Variants in STRAP observed in about 807,000 individuals in gnomAD.
STRAP encodes serine/threonine kinase receptor associated protein, also known as serine-threonine kinase receptor-associated protein.
Under a neutral mutation model 47.0 loss-of-function variants are expected in STRAP, and 16 were observed. The ratio of observed to expected loss-of-function variants is 0.34; its 90% confidence interval spans 0.23 to 0.52. STRAP has a LOEUF of 0.52. Among genes scored for constraint, STRAP ranks in the 20% least tolerant of loss-of-function variants. The probability of loss-of-function intolerance (pLI) is 0.96; values close to 1 mark genes in which losing one functional copy is unlikely to be tolerated. For synonymous variants in STRAP, 130 were observed against 142.7 expected (o/e 0.91, Z 0.63); for missense variants, 293 against 420.0 (o/e 0.70, Z 2.64).
At chr12:15,889,122 T>TC (rs532850350) in intron 2 of STRAP, among the ~76,000 whole-genome samples, 9 of 151,380 alleles carry the variant, frequency 5.9e-5, no homozygotes, top group African/African-American at 2.2e-4. Context: ...AACTTTTTTT[T>TC]CCCCCTTCCT....
intron 2 of STRAP, among the ~76,000 whole-genome samples, chr12:15,889,346 A>G (rs894110267): frequency 6.6e-6 from 1 of 152,150 alleles, no homozygotes; most frequent in Non-Finnish European, 1.5e-5. Context: ...GGGGAAGTTA[A>G]CTGTACTAGA....
At chr12:15,895,228 G>C (rs1410604261) in intron 5 of STRAP, 131 bp from the exon 6 acceptor site, 1 of 721,614 alleles carries the variant, frequency 1.4e-6, no homozygotes, top group African/African-American at 1.9e-5. Flanking sequence ...TCTGTAATTT[G>C]TGACTTGGAA....
rs1333730952 is a variant in STRAP, at chr12:15,903,222, G to GA, written c.*246dup. On this transcript the variant is annotated 3_prime_UTR_variant, in exon 10 of 10. Coordinates refer to ENST00000419869, the MANE Select transcript of STRAP (RefSeq NM_007178.4). ...TACAGTGGCCTGTTATCTTTTTAAT[G>GA]AATATATACAAGCCAACATCCAATT... The GA allele has an allele frequency of 8.9e-6, 3 of 336,614 alleles. No individual in the cohort carries two copies. In the Admixed American group the frequency reaches 1.4e-4, roughly 16 times the overall value. The allele number at this position is 336,614 out of a possible 1,614,324, so 20.9% of individuals were successfully genotyped here. A position where few individuals can be genotyped will look rare whatever the true frequency, so the allele number is the denominator to read the frequency against.
intron 2 of STRAP, among the ~76,000 whole-genome samples, chr12:15,888,366 G>A (rs973693705): frequency 2.8e-4 from 43 of 152,142 alleles, no homozygotes; most frequent in Non-Finnish European, 8.8e-5. Flanking sequence ...AGTAGATTGG[G>A]GCCAGAGAGT....
Position 15,882,965 on chromosome 12 carries a change from G to C in STRAP, c.112+146G>C, listed in dbSNP as rs1031909427. On this transcript the variant is annotated intron_variant, in intron 1 of 9. Coordinates refer to ENST00000419869, the MANE Select transcript of STRAP (RefSeq NM_007178.4). ...TGAGATGAGAGCCAACACTGGTCCG[G>C]TGGAGAAAGGAGTGTGTTAGGGAAT... 14 of 1,362,030 alleles carry C rather than the reference G, an allele frequency of 1.0e-5. No homozygotes were observed. The Admixed American group carries it at 2.8e-4, about 27-fold the overall frequency. The allele number at this position is 1,362,030 out of a possible 1,614,324, so 84.4% of individuals were successfully genotyped here.
chr12:15,903,157 C>G lies in STRAP; in HGVS notation c.*179C>G, dbSNP rs1250129477. ...TTGGTGTTACCTGTAAGTGAAAACT[C>G]AAGTGTCAGATGAAGGGAGGTGGAG... On this transcript the variant is annotated 3_prime_UTR_variant, in exon 10 of 10. Transcript: ENST00000419869. The G allele has an allele frequency of 3.6e-6, 2 of 552,256 alleles. No individual in the cohort carries two copies. The highest frequency in any genetic ancestry group is 5.7e-6 in the Non-Finnish European group (2 of 348,572). 34.2% of individuals were successfully genotyped at this position (552,256 alleles called of 1,614,324 possible).
intron 4 of STRAP, among the ~76,000 whole-genome samples, chr12:15,892,989 G>A (rs916630408): frequency 2.4e-4 from 37 of 152,112 alleles, no homozygotes; most frequent in African/African-American, 2.2e-4. Flanking sequence ...AGCCCTATTC[G>A]CATTTGTAAC....
intron 7 of STRAP, among the ~76,000 whole-genome samples, chr12:15,898,523 G>T (rs2136113091): frequency 6.6e-6 from 1 of 152,238 alleles, no homozygotes; most frequent in South Asian, 2.1e-4. Context: ...ATCTGAATTG[G>T]ATAGTTATTT....
At chr12:15,893,644 A>G (rs1054493176) in intron 4 of STRAP, among the ~76,000 whole-genome samples, 3 of 147,932 alleles carry the variant, frequency 2.0e-5, no homozygotes, top group African/African-American at 7.4e-5. Context: ...ATTATACAAT[A>G]ATGCTTTTAT....
rs749702060 is a variant in STRAP, at chr12:15,885,180, GTTTTT to G, written c.248+1525_248+1529del. The stretch of plus-strand genomic sequence containing the variant: ...TAAGAGGCTAGAGAGTACAAGTGGT[GTTTTT>G]TTTTTTTTTTTTTTTTTTTTAAAGA... On this transcript the variant is annotated intron_variant, in intron 2 of 9. Coordinates refer to ENST00000419869, the MANE Select transcript of STRAP (RefSeq NM_007178.4). Among the ~76,000 whole-genome samples, 730 of 99,578 alleles carry G rather than the reference GTTTTT, an allele frequency of 7.3e-3. 10 individuals carry two copies. Among genetic ancestry groups the G allele is most frequent in the African/African-American group, 0.03 (690 of 23,358 alleles). 65.3% of individuals were successfully genotyped at this position (99,578 alleles called of 152,430 possible).
intron 6 of STRAP, 57 bp from the exon 7 acceptor site, chr12:15,897,825 A>C: frequency 7.9e-7 from 1 of 1,266,526 alleles, no homozygotes; most frequent in Non-Finnish European, 1.1e-6. Context: ...GTTCAAATGT[A>C]ACTCGTTATT....
Position 15,889,399 on chromosome 12 carries a change from C to G in STRAP, c.249-529C>G, listed in dbSNP as rs923773097. Among the ~76,000 whole-genome samples, 683 of 152,240 alleles carry G rather than the reference C, an allele frequency of 4.5e-3. 12 individuals are homozygous for G. The highest frequency in any genetic ancestry group is 0.036 in the East Asian group (185 of 5,176). ...AGCTTTGAAGAAGAGATGAAGTGGA[C>G]ATTGTCTCTCCACTATCTTAATTTA... On this transcript the variant is annotated intron_variant, in intron 2 of 9. Coordinates refer to ENST00000419869, the MANE Select transcript of STRAP (RefSeq NM_007178.4).
Position 15,883,596 on chromosome 12 carries a change from G to A in STRAP, c.168G>A (p.Leu56=). The change falls in exon 2 of 10, where the codon TTG becomes TTA. Residue 56 remains leucine (L), a synonymous_variant. Coordinates refer to ENST00000419869, the MANE Select transcript of STRAP (RefSeq NM_007178.4). ...CAGGAGACTGGATTGGAACATTTTTGGGTCATAAAGGTGCTGTTTGGGGTG... is the reference window on the plus strand; with the variant it reads ...CAGGAGACTGGATTGGAACATTTTTAGGTCATAAAGGTGCTGTTTGGGGTG... The part of the protein sequence containing the change: ...GDTGDWIGTF[L]GHKGAVWGAT... 2 of 1,614,152 alleles carry A rather than the reference G, an allele frequency of 1.2e-6. No homozygotes were observed. Among genetic ancestry groups the A allele is most frequent in the Non-Finnish European group, 1.7e-6 (2 of 1,180,038 alleles).
At position 15,893,154 on chromosome 12, in the gene STRAP, T is replaced by C. The variant is rs113415335; in HGVS notation, c.404-893T>C. Reference sequence around the variant, plus strand: ...TTTTTGAAGTTCTTCGAAAGGATAATCTCCTACAGATTTAAGCTCCCTTCC... The same window carrying C: ...TTTTTGAAGTTCTTCGAAAGGATAACCTCCTACAGATTTAAGCTCCCTTCC... On this transcript the variant is annotated intron_variant, in intron 4 of 9. Transcript: ENST00000419869. Among the ~76,000 whole-genome samples, 275 of 152,246 alleles carry C rather than the reference T, an allele frequency of 1.8e-3. 1 individual carries two copies. The highest frequency in any genetic ancestry group is 6.2e-3 in the African/African-American group (257 of 41,546).
chr12:15,882,901 C>T (rs1947935225), intron 1 of STRAP, 82 bp downstream of exon 1: 2 of 1,458,628 alleles, frequency 1.4e-6, no homozygotes, highest in East Asian at 2.4e-5. Context: ...AGTGCCGAAG[C>T]GGTGGTGTGG....
rs763372634 is a variant in STRAP at position 15,890,061 on chromosome 12, T to C, written c.330+52T>C. 3.4e-6 allele frequency: 5 copies of C among 1,473,898 alleles called. No individual in the cohort carries two copies. Among genetic ancestry groups the C allele is most frequent in the Non-Finnish European group, 4.7e-6 (5 of 1,053,204 alleles). The allele number at this position is 1,473,898 out of a possible 1,614,324, so 91.3% of individuals were successfully genotyped here. A position where few individuals can be genotyped will look rare whatever the true frequency, so the allele number is the denominator to read the frequency against. Reference sequence around the variant, plus strand: ...CGAGTTAAGTTGCTGGTACATAGTGTGATAATGCTTTTATACTTGATTGGT... The same window carrying C: ...CGAGTTAAGTTGCTGGTACATAGTGCGATAATGCTTTTATACTTGATTGGT... On this transcript the variant is annotated intron_variant, in intron 3 of 9. Coordinates refer to ENST00000419869, the MANE Select transcript of STRAP (RefSeq NM_007178.4). The surrounding 1 kb of genome is among the most constrained non-coding windows in gnomAD (Gnocchi z 4.5).
At position 15,883,619 on chromosome 12, in the gene STRAP, G is replaced by C. The variant is rs1947942808; in HGVS notation, c.191G>C (p.Gly64Ala). ...TFLGHKGAVW[G>A]ATLNKDATKA... ...TTGGGTCATAAAGGTGCTGTTTGGG[G>C]TGCAACACTGAATAAGGATGCCACC... The change falls in exon 2 of 10, where the codon GGT becomes GCT. Residue 64 changes from glycine (G) to alanine (A), a missense_variant. By Grantham distance (60) the Gly-to-Ala change is moderately conservative. Coordinates refer to ENST00000419869, the MANE Select transcript of STRAP (RefSeq NM_007178.4). The C allele has an allele frequency of 6.2e-7, 1 of 1,614,064 alleles. No homozygotes were observed. The highest frequency in any genetic ancestry group is 1.7e-5 in the Admixed American group (1 of 60,004).
intron 2 of STRAP, among the ~76,000 whole-genome samples, chr12:15,884,478 A>G (rs535269515): frequency 1.3e-5 from 2 of 151,220 alleles, no homozygotes; most frequent in African/African-American, 4.9e-5. Context: ...TTCAAATGGT[A>G]TGAGTCCCAG....
At chr12:15,897,246 AG>A (rs1282029525) in intron 6 of STRAP, among the ~76,000 whole-genome samples, 4 of 152,184 alleles carry the variant, frequency 2.6e-5, no homozygotes, top group African/African-American at 4.8e-5. Flanking sequence ...CATGATTTTT[AG>A]GGTTAAACTG....
Sources: gnomAD v4.1 joint callset for allele counts (sites outside exome capture counted in the v4.1 genomes callset) on GRCh38, gnomAD v4.1.1 for gene constraint, Gnocchi (gnomAD v3.1) non-coding constraint, MANE v1.5 for transcripts, NCBI Gene and HGNC (gene_info 2026-07-23, HGNC 2026-07-21) for gene names.